The following STXBP5L variants were observed in gnomAD, a reference collection of about 807,000 sequenced individuals.
STXBP5L encodes syntaxin-binding protein 5-like.
In STXBP5L, 65 loss-of-function variants were observed where a neutral mutation model predicts 144.5. The ratio of observed to expected loss-of-function variants is 0.45; its 90% CI spans 0.37 to 0.55. The LOEUF (loss-of-function observed/expected upper bound fraction) is 0.55, where lower values mean the gene tolerates loss of function less well. Ranked by LOEUF, STXBP5L falls within the 20% of genes least tolerant of loss-of-function variation. The pLI is 0.00. For missense variants in STXBP5L, 1,298 were observed against 1,405.5 expected, an observed-to-expected ratio of 0.92 and a Z score of 1.22; for synonymous variants, 505 against 469.6, an observed-to-expected ratio of 1.08 and a Z score of -0.97.
intron 7 of STXBP5L, among the ~76,000 whole-genome samples, chr3:121,134,289 C>G (rs530766156): frequency 1.6e-4 from 25 of 152,072 alleles, no homozygotes; most frequent in Non-Finnish European, 2.5e-4. Context: ...AGTTCTCCTC[C>G]TATGATGCTT....
chr3:121,095,102 T>C (rs1560125670), intron 5 of STXBP5L, among the ~76,000 whole-genome samples: 1 of 152,356 alleles, frequency 6.6e-6, no homozygotes, highest in East Asian at 1.9e-4. Flanking sequence ...TTTAAGAATG[T>C]TGAATATTGG....
chr3:120,964,159 C>G (rs185972860), intron 3 of STXBP5L, among the ~76,000 whole-genome samples: 82 of 152,132 alleles, frequency 5.4e-4, no homozygotes, highest in African/African-American at 1.9e-3. Flanking sequence ...TGATTCTTCT[C>G]TCTTTTCTTC....
intron 5 of STXBP5L, among the ~76,000 whole-genome samples, chr3:121,065,269 G>T (rs996432725): frequency 6.6e-6 from 1 of 152,116 alleles, no homozygotes; most frequent in South Asian, 2.1e-4. Flanking sequence ...TAATGGGATT[G>T]CTGGGTCAAA....
rs138553410 is a variant in STXBP5L, at chr3:121,060,475, A to C, written c.470+14940A>C. ...CTGCCAGATTTTGGTGTCAGGATGA[A>C]GCTGGCCTCATAAAATGAGTTAGGG... On this transcript the variant is annotated intron_variant, in intron 5 of 26. Transcript: ENST00000471454. 2.5e-3 allele frequency among the ~76,000 whole-genome samples: 380 copies of C among 151,828 alleles called. 2 individuals are homozygous for C. Among genetic ancestry groups the C allele is most frequent in the African/African-American group, 8.6e-3 (357 of 41,458 alleles).
At chr3:121,407,044 C>T (rs564085697) in intron 22 of STXBP5L, among the ~76,000 whole-genome samples, 199 bp from the exon 23 acceptor site, 4 of 151,938 alleles carry the variant, frequency 2.6e-5, no homozygotes, top group Admixed American at 6.6e-5. Flanking sequence ...GACCAGTTGA[C>T]GTCTTAAGTT....
chr3:121,145,881 A>G (rs2045696193), intron 7 of STXBP5L, among the ~76,000 whole-genome samples: 1 of 152,168 alleles, frequency 6.6e-6, no homozygotes, highest in Middle Eastern at 3.4e-3. Context: ...GGCTGAGTGA[A>G]GAATATCTGC....
intron 3 of STXBP5L, among the ~76,000 whole-genome samples, chr3:120,977,612 C>T (rs1020410804): frequency 3.3e-5 from 5 of 151,996 alleles, no homozygotes; most frequent in African/African-American, 9.7e-5. Flanking sequence ...TATTTTGCTC[C>T]TTAGTTGAGG....
At chr3:120,938,142 TGTTTTTCTATGTTTATG>T (rs1710365025) in intron 2 of STXBP5L, among the ~76,000 whole-genome samples, 12 of 152,144 alleles carry the variant, frequency 7.9e-5, no homozygotes, top group Non-Finnish European at 4.4e-5. Flanking sequence ...TTATATGTGA[TGTTTTTCTATGTTTATG>T]ATTACATGTA....
intron 3 of STXBP5L, among the ~76,000 whole-genome samples, chr3:121,002,669 T>C (rs1162500028): frequency 1.3e-5 from 2 of 152,122 alleles, no homozygotes; most frequent in Non-Finnish European, 2.9e-5. Context: ...CTTGTCATTT[T>C]ACATTAGGTA....
chr3:120,982,987 G>T (rs913616908), intron 3 of STXBP5L, among the ~76,000 whole-genome samples: 1 of 152,116 alleles, frequency 6.6e-6, no homozygotes, highest in African/African-American at 2.4e-5. Flanking sequence ...GGGTGGCTGT[G>T]CTGTGGACCT....
rs370881193 is a variant in STXBP5L at position 121,317,732 on chromosome 3, T to G, written c.2111-743T>G. Among the ~76,000 whole-genome samples the G allele has an allele frequency of 1.2e-4, 18 of 152,282 alleles. No individual in the cohort carries two copies. In the East Asian group the frequency reaches 1.9e-3, roughly 16 times the overall value. ...GTAGAAAGAATTATAAAATGTTTAT[T>G]AATCTGTTGTGTCTATTGTTGCATT... On this transcript the variant is annotated intron_variant, in intron 19 of 26. Transcript: ENST00000471454.
At chr3:121,369,190 G>A (rs967480294) in intron 20 of STXBP5L, among the ~76,000 whole-genome samples, 5 of 152,148 alleles carry the variant, frequency 3.3e-5, no homozygotes, top group African/African-American at 9.7e-5. Context: ...ACCAAAATTA[G>A]CTGCAATTTA....
intron 20 of STXBP5L, among the ~76,000 whole-genome samples, chr3:121,374,268 T>G (rs1196415625): frequency 6.6e-6 from 1 of 152,200 alleles, no homozygotes; most frequent in African/African-American, 2.4e-5. Context: ...GCCAAAGCCA[T>G]GTACCCAACT....
intron 3 of STXBP5L, among the ~76,000 whole-genome samples, chr3:120,981,930 C>T (rs1177678286): frequency 6.6e-6 from 1 of 152,124 alleles, no homozygotes; most frequent in African/African-American, 2.4e-5. Context: ...TATCAAGGTA[C>T]TGTATGAGTT....
rs1273151265 is a variant in STXBP5L at position 120,946,039 on chromosome 3, TA to T, written c.190-8900del. ...TAGAAGTCTTTAGAATCAAAAGCCA[TA>T]TTTATTTTTTTCATTTTTTAGGCTG... On this transcript the variant is annotated intron_variant, in intron 2 of 26. Coordinates refer to ENST00000471454, the MANE Select transcript of STXBP5L (RefSeq NM_001308330.2). Among the ~76,000 whole-genome samples the T allele has an allele frequency of 3.0e-4, 46 of 151,840 alleles. No individual in the cohort carries two copies. The Admixed American group carries it at 3.0e-3, about 10-fold the overall frequency.
intron 3 of STXBP5L, among the ~76,000 whole-genome samples, chr3:120,993,491 A>T (rs1943089552): frequency 6.6e-6 from 1 of 151,754 alleles, no homozygotes; most frequent in Non-Finnish European, 1.5e-5. Flanking sequence ...GCGTATTCTG[A>T]GATTTAGGGG....
In STXBP5L at chr3:121,257,783, G is replaced by A. The variant is rs181318595; in HGVS notation, c.1832+450G>A. Among the ~76,000 whole-genome samples the A allele has an allele frequency of 4.6e-5, 7 of 152,102 alleles. No homozygotes were observed. In the East Asian group the frequency reaches 1.2e-3, roughly 25 times the overall value. Reference sequence around the variant, plus strand: ...CTACAAAAAATTTAAAAATTAACTGGGTGTGATGGTACACACCTGTAGCTC... The same window carrying A: ...CTACAAAAAATTTAAAAATTAACTGAGTGTGATGGTACACACCTGTAGCTC... On this transcript the variant is annotated intron_variant, in intron 17 of 26. Coordinates refer to ENST00000471454, the MANE Select transcript of STXBP5L (RefSeq NM_001308330.2).
chr3:121,300,023 A>G (rs1202940834), intron 19 of STXBP5L, among the ~76,000 whole-genome samples: 1 of 151,814 alleles, frequency 6.6e-6, no homozygotes, highest in South Asian at 2.1e-4. Context: ...TTAAGACTTT[A>G]TAGTCAAACT....
intron 19 of STXBP5L, among the ~76,000 whole-genome samples, chr3:121,280,756 G>C (rs531256059): frequency 6.6e-6 from 1 of 151,698 alleles, no homozygotes; most frequent in South Asian, 2.1e-4. Flanking sequence ...ATAATATTAA[G>C]TGTTATTTTA....
Sources: gnomAD v4.1 joint callset for allele counts (sites outside exome capture counted in the v4.1 genomes callset) on GRCh38, gnomAD v4.1.1 for gene constraint, MANE v1.5 for transcripts, NCBI Gene and HGNC (gene_info 2026-07-23, HGNC 2026-07-21) for gene names.